Variants in PKP4 observed in about 807,000 individuals in gnomAD.
PKP4 encodes plakophilin-4.
In PKP4, 90 loss-of-function variants were observed where a neutral mutation model predicts 145.1. The ratio of observed to expected loss-of-function variants is 0.62; its 90% CI spans 0.52 to 0.74. The LOEUF is 0.74. PKP4 is among the 30% of genes least tolerant of loss of function. The pLI is 0.00. For synonymous variants in PKP4, 563 were observed against 577.2 expected (o/e 0.98, Z 0.35); for missense variants, 1,340 against 1,482.7 (o/e 0.90, Z 1.58).
chr2:158,649,239 C>A (rs969013572), intron 11 of PKP4, among the ~76,000 whole-genome samples: 1 of 152,128 alleles, frequency 6.6e-6, no homozygotes, highest in Non-Finnish European at 1.5e-5. Context: ...GAAGGTTGAG[C>A]AGGCAAGTCT....
rs2056719445 is a variant in PKP4, at chr2:158,662,740, GA to G, written c.2212-155del. 5.1e-6 allele frequency: 3 copies of G among 593,932 alleles called. No individual in the cohort carries two copies. The Admixed American group carries it at 1.0e-4, about 20-fold the overall frequency. The allele number at this position is 593,932 out of a possible 1,614,324, so 36.8% of individuals were successfully genotyped here. Reference sequence around the variant, plus strand: ...ATCTGGGTATTCCACAAACACTCTAGAATCATAATTCTCTCTTCAGATTGTT... The same window carrying G: ...ATCTGGGTATTCCACAAACACTCTAGATCATAATTCTCTCTTCAGATTGTT... On this transcript the variant is annotated intron_variant, in intron 13 of 21. Coordinates refer to ENST00000389759, the MANE Select transcript of PKP4 (RefSeq NM_003628.6).
At chr2:158,624,832 A>G (rs766134822) in intron 6 of PKP4, 46 bp from the exon 7 acceptor site, 1 of 1,474,090 alleles carries the variant, frequency 6.8e-7, no homozygotes, top group Non-Finnish European at 9.1e-7. Context: ...CAATGAACAC[A>G]AAACCCTGGA....
rs548893561 is a variant in PKP4, at chr2:158,542,420, T to G, written c.132+9104T>G. ...AGATTTGAAGGCCTGTAGGTAAGATTATGAAAAATATTTGTGTATTTATGG... is the reference window on the plus strand; with the variant it reads ...AGATTTGAAGGCCTGTAGGTAAGATGATGAAAAATATTTGTGTATTTATGG... On this transcript the variant is annotated intron_variant, in intron 2 of 21. Transcript: ENST00000389759. Among the ~76,000 whole-genome samples the G allele has an allele frequency of 1.1e-4, 17 of 152,298 alleles. 1 individual carries two copies. The highest frequency in any genetic ancestry group is 3.9e-4 in the African/African-American group (16 of 41,558).
intron 1 of PKP4, among the ~76,000 whole-genome samples, chr2:158,503,858 T>G (rs936856605): frequency 6.6e-6 from 1 of 152,102 alleles, no homozygotes; most frequent in Non-Finnish European, 1.5e-5. Context: ...AAAAACAGGT[T>G]GCTGGGCTCT....
chr2:158,651,050 T>G (rs1022430245), intron 11 of PKP4, among the ~76,000 whole-genome samples: 1 of 152,206 alleles, frequency 6.6e-6, no homozygotes, highest in African/African-American at 2.4e-5. Context: ...CTTGTTTTCC[T>G]CAGCATTTAT....
At chr2:158,512,457 G>A (rs553677952) in intron 1 of PKP4, among the ~76,000 whole-genome samples, 1 of 152,338 alleles carries the variant, frequency 6.6e-6, no homozygotes, top group East Asian at 1.9e-4. Flanking sequence ...GTTGGCATGT[G>A]CAACATTCTC....
intron 1 of PKP4, among the ~76,000 whole-genome samples, chr2:158,484,209 G>A (rs987681226): frequency 2.0e-5 from 3 of 151,698 alleles, no homozygotes; most frequent in African/African-American, 7.3e-5. Flanking sequence ...CACCGCGCCC[G>A]GCTAATTTTT....
chr2:158,520,633 G>C (rs573366289), intron 1 of PKP4, among the ~76,000 whole-genome samples: 1 of 152,142 alleles, frequency 6.6e-6, no homozygotes, highest in Non-Finnish European at 1.5e-5. Context: ...TGAAAAGCAA[G>C]CACATCTATG....
chr2:158,517,086 A>T (rs181847876), intron 1 of PKP4, among the ~76,000 whole-genome samples: 2 of 152,264 alleles, frequency 1.3e-5, no homozygotes, highest in East Asian at 1.9e-4. Flanking sequence ...AAATCCCCAT[A>T]TGTGCTCTGC....
At chr2:158,544,406 T>C (rs2044792124) in intron 2 of PKP4, among the ~76,000 whole-genome samples, 1 of 152,190 alleles carries the variant, frequency 6.6e-6, no homozygotes, top group Non-Finnish European at 1.5e-5. Context: ...TTGGGAAGTA[T>C]TATATAACAT....
chr2:158,489,193 A>G (rs974634015), intron 1 of PKP4, among the ~76,000 whole-genome samples: 27 of 152,162 alleles, frequency 1.8e-4, no homozygotes, highest in African/African-American at 6.5e-4. Context: ...TGTAGGTGTG[A>G]AATTTATATA....
intron 3 of PKP4, among the ~76,000 whole-genome samples, chr2:158,587,143 A>G (rs914064721): frequency 6.6e-6 from 1 of 152,196 alleles, no homozygotes; most frequent in African/African-American, 2.4e-5. Flanking sequence ...TCAGGTTAAT[A>G]GCATAAATGT....
At chr2:158,550,941 A>AG (rs1358454981) in intron 2 of PKP4, among the ~76,000 whole-genome samples, 1 of 152,244 alleles carries the variant, frequency 6.6e-6, no homozygotes, top group East Asian at 1.9e-4. Flanking sequence ...CAGAGAAAGA[A>AG]GACTACATTG....
At chr2:158,585,456 A>G (rs966303646) in intron 3 of PKP4, among the ~76,000 whole-genome samples, 2 of 152,220 alleles carry the variant, frequency 1.3e-5, no homozygotes, top group Non-Finnish European at 2.9e-5. Context: ...GCAGATGCCC[A>G]TCAGGTTTCG....
At chr2:158,622,862 A>C (rs1310539767) in intron 6 of PKP4, among the ~76,000 whole-genome samples, 1 of 152,252 alleles carries the variant, frequency 6.6e-6, no homozygotes, top group East Asian at 1.9e-4. Flanking sequence ...TCATCCGCTT[A>C]GGTGAATTTC....
chr2:158,566,276 T>A (rs1353363216), intron 2 of PKP4, among the ~76,000 whole-genome samples: 1 of 152,188 alleles, frequency 6.6e-6, no homozygotes, highest in Non-Finnish European at 1.5e-5. Flanking sequence ...TTGTTGTTTC[T>A]CTTATCATTT....
chr2:158,616,639 T>A (rs551689967), intron 4 of PKP4, among the ~76,000 whole-genome samples: 1 of 152,246 alleles, frequency 6.6e-6, no homozygotes, highest in Non-Finnish European at 1.5e-5. Context: ...ACACTGTCTT[T>A]TATGTAAGGG....
At chr2:158,614,663 C>G (rs1222582893) in intron 4 of PKP4, among the ~76,000 whole-genome samples, 1 of 152,146 alleles carries the variant, frequency 6.6e-6, no homozygotes, top group Non-Finnish European at 1.5e-5. Context: ...TATTCCAAAG[C>G]CACTTATGCA....
intron 4 of PKP4, among the ~76,000 whole-genome samples, chr2:158,615,138 A>G (rs10208176): frequency 0.088 from 13,320 of 152,104 alleles, 752 homozygotes; most frequent in Middle Eastern, 0.17. Context: ...TTGGTTTTTA[A>G]CAAAAGGAAT....
Sources: allele counts gnomAD v4.1 joint callset (sites outside exome capture counted in the v4.1 genomes callset), GRCh38; gene constraint gnomAD v4.1.1; transcripts MANE v1.5; gene names NCBI Gene and HGNC (gene_info 2026-07-23, HGNC 2026-07-21).